HS3ST4: variants seen among roughly 807,000 people sequenced by gnomAD.
HS3ST4 encodes the protein heparan sulfate glucosamine 3-O-sulfotransferase 4.
A neutral mutation model predicts 29.2 loss-of-function variants in HS3ST4; 17 were observed. The observed-to-expected ratio is 0.58, with a 90% CI of 0.40 to 0.87. HS3ST4 has a LOEUF of 0.87. Ranked by LOEUF, HS3ST4 falls within the 40% of genes least tolerant of loss-of-function variation. The pLI is 0.00. For missense variants in HS3ST4, 627 were observed against 634.5 expected (o/e 0.99, Z 0.13); for synonymous variants, 314 against 285.7 (o/e 1.10, Z -1.00).
intron 1 of HS3ST4, among the ~76,000 whole-genome samples, chr16:25,757,955 A>G (rs997915474): frequency 2.0e-5 from 3 of 152,110 alleles, no homozygotes; most frequent in African/African-American, 4.8e-5. Context: ...TTAGTTCTGT[A>G]GAGAGATGTT....
intron 1 of HS3ST4, among the ~76,000 whole-genome samples, chr16:26,114,884 A>C (rs1899180759): frequency 6.6e-6 from 1 of 152,170 alleles, no homozygotes; most frequent in South Asian, 2.1e-4. Context: ...TGGCTATATT[A>C]GGGAAATACT....
intron 1 of HS3ST4, among the ~76,000 whole-genome samples, chr16:25,770,636 A>G (rs781606507): frequency 3.3e-5 from 5 of 152,184 alleles, no homozygotes; most frequent in Non-Finnish European, 7.3e-5. Flanking sequence ...TGAGTGAGCT[A>G]CCTGGGGTAA....
Position 25,904,262 on chromosome 16 carries a change from G to A in HS3ST4, c.734+211111G>A, listed in dbSNP as rs149878256. Among the ~76,000 whole-genome samples the A allele has an allele frequency of 2.7e-4, 41 of 152,180 alleles. No individual in the cohort carries two copies. In the East Asian group the frequency reaches 7.5e-3, roughly 28 times the overall value. On this transcript the variant is annotated intron_variant, in intron 1 of 1. Coordinates refer to ENST00000331351, the MANE Select transcript of HS3ST4 (RefSeq NM_006040.3). Reference sequence around the variant, plus strand: ...TGAATGGATGGATGGAAGAATGGATGGATGAGTGAATGATGTTTGGCATTT... The same window carrying A: ...TGAATGGATGGATGGAAGAATGGATAGATGAGTGAATGATGTTTGGCATTT...
chr16:25,743,115 A>G (rs767439214), intron 1 of HS3ST4, among the ~76,000 whole-genome samples: 4 of 152,182 alleles, frequency 2.6e-5, no homozygotes, highest in Non-Finnish European at 4.4e-5. Flanking sequence ...TCTTCCAGTA[A>G]CATGGCACTC....
At chr16:25,884,117 GAA>G (rs955187515) in intron 1 of HS3ST4, among the ~76,000 whole-genome samples, 1 of 136,704 alleles carries the variant, frequency 7.3e-6, no homozygotes. Context: ...CTGTCTCAAA[GAA>G]AAAAAAAAAA....
At chr16:25,879,048 G>C (rs990398642) in intron 1 of HS3ST4, among the ~76,000 whole-genome samples, 1 of 152,162 alleles carries the variant, frequency 6.6e-6, no homozygotes, top group African/African-American at 2.4e-5. Context: ...GGGTGTCACT[G>C]ACTGAAGCAT....
At chr16:26,043,550 G>A (rs1033759667) in intron 1 of HS3ST4, among the ~76,000 whole-genome samples, 1 of 152,258 alleles carries the variant, frequency 6.6e-6, no homozygotes, top group Middle Eastern at 3.4e-3. Context: ...ACATCATGAC[G>A]TTCTAGTGAG....
intron 1 of HS3ST4, among the ~76,000 whole-genome samples, chr16:25,753,739 C>T (rs561901236): frequency 2.1e-4 from 32 of 152,232 alleles, no homozygotes; most frequent in African/African-American, 7.5e-4. Context: ...ATTTCTTATT[C>T]CCAGTGTTGT....
intron 1 of HS3ST4, among the ~76,000 whole-genome samples, chr16:26,099,861 G>A (rs1898971538): frequency 6.6e-6 from 1 of 152,110 alleles, no homozygotes; most frequent in African/African-American, 2.4e-5. Context: ...ATAAGTATTA[G>A]GGAGAAAGGC....
chr16:25,692,475 C>T lies in HS3ST4; in HGVS notation c.58C>T (p.Pro20Ser), dbSNP rs1463505307. 3.7e-6 allele frequency: 5 copies of T among 1,363,186 alleles called. No individual in the cohort carries two copies. Among genetic ancestry groups the T allele is most frequent in the Non-Finnish European group, 4.8e-6 (5 of 1,044,198 alleles). The allele number at this position is 1,363,186 out of a possible 1,614,324, so 84.4% of individuals were successfully genotyped here. ...PPPPPPPLAA[P>S]PPPGASAKGP... is the part of the protein sequence containing the mutation. ...GCCTCCGCCTCCACCTCTGGCCGCG[C>T]CGCCGCCGCCCGGCGCCTCTGCTAA... The change falls in exon 1 of 2, where the codon CCG (proline) becomes TCG (serine). Residue 20 changes from proline (P) to serine (S), a missense_variant. Coordinates refer to ENST00000331351, the MANE Select transcript of HS3ST4 (RefSeq NM_006040.3).
At chr16:25,926,042 GT>G (rs1968399446) in intron 1 of HS3ST4, among the ~76,000 whole-genome samples, 1 of 144,544 alleles carries the variant, frequency 6.9e-6, no homozygotes, top group South Asian at 2.2e-4. Context: ...AAATGGCACC[GT>G]TAAAAAAAAA....
chr16:25,900,532 C>T (rs1429112379), intron 1 of HS3ST4, among the ~76,000 whole-genome samples: 1 of 152,084 alleles, frequency 6.6e-6, no homozygotes, highest in Non-Finnish European at 1.5e-5. Flanking sequence ...TTAAGGGAGA[C>T]AGTCAGGGTG....
chr16:26,032,276 C>T (rs969836267), intron 1 of HS3ST4, among the ~76,000 whole-genome samples: 129 of 152,160 alleles, frequency 8.5e-4, no homozygotes, highest in Non-Finnish European at 1.6e-3. Context: ...GGGAATCCCT[C>T]CTCCTGGGAG....
intron 1 of HS3ST4, among the ~76,000 whole-genome samples, chr16:25,980,543 T>G (rs1481166163): frequency 6.6e-6 from 1 of 152,124 alleles, no homozygotes; most frequent in Admixed American, 6.6e-5. Flanking sequence ...GGTCACCATC[T>G]CCTGTGGTTC....
intron 1 of HS3ST4, among the ~76,000 whole-genome samples, chr16:25,828,290 TTCTTTCTTTCCC>T (rs1207216570): frequency 5.2e-4 from 36 of 69,440 alleles, no homozygotes; most frequent in Non-Finnish European, 8.4e-4. Flanking sequence ...CTTTCTTTCT[TTCTTTCTTTCCC>T]TCTCTCTCTC....
At chr16:26,008,462 G>T (rs1969278422) in intron 1 of HS3ST4, among the ~76,000 whole-genome samples, 1 of 152,176 alleles carries the variant, frequency 6.6e-6, no homozygotes, top group African/African-American at 2.4e-5. Context: ...TATGCAGGAA[G>T]ATATAGGTCA....
chr16:26,009,576 C>A (rs577652710), intron 1 of HS3ST4, among the ~76,000 whole-genome samples: 91 of 152,342 alleles, frequency 6.0e-4, no homozygotes, highest in African/African-American at 2.1e-3. Flanking sequence ...TAAGCTCGAG[C>A]TTCTGCCCCA....
intron 1 of HS3ST4, among the ~76,000 whole-genome samples, chr16:25,839,985 A>C (rs1030270917): frequency 1.3e-5 from 2 of 152,228 alleles, no homozygotes; most frequent in African/African-American, 4.8e-5. Flanking sequence ...TTATCATGAA[A>C]TATTTGTATT....
At chr16:26,040,600 C>T (rs914926917) in intron 1 of HS3ST4, among the ~76,000 whole-genome samples, 3 of 151,910 alleles carry the variant, frequency 2.0e-5, no homozygotes, top group Non-Finnish European at 2.9e-5. Flanking sequence ...CCACCGCATT[C>T]GGCCTGCTGT....
Sources: gnomAD v4.1 joint callset for allele counts (sites outside exome capture counted in the v4.1 genomes callset) on GRCh38, gnomAD v4.1.1 for gene constraint, MANE v1.5 for transcripts, NCBI Gene and HGNC (gene_info 2026-07-23, HGNC 2026-07-21) for gene names.